Variants in COL24A1 observed in about 807,000 individuals in gnomAD.
COL24A1 encodes collagen alpha-1(XXIV) chain.
COL24A1 carries 224 observed loss-of-function variants against 253.9 expected under a neutral mutation model. The ratio of observed to expected loss-of-function variants is 0.88; its 90% CI spans 0.79 to 0.99. COL24A1 has a LOEUF of 0.99. Ranked by LOEUF, COL24A1 falls within the 50% of genes least tolerant of loss-of-function variation. The pLI, the probability that COL24A1 is intolerant of heterozygous loss-of-function variation, is 0.00. For synonymous variants in COL24A1, 685 were observed against 673.7 expected (o/e 1.02, Z -0.26); for missense variants, 2,131 against 2,068.5 (o/e 1.03, Z -0.59).
chr1:85,782,156 G>T (rs1401410242), intron 51 of COL24A1, among the ~76,000 whole-genome samples: 1 of 152,026 alleles, frequency 6.6e-6, no homozygotes, highest in African/African-American at 2.4e-5. Flanking sequence ...GTGCCATCTC[G>T]GCTCACTGTA....
intron 24 of COL24A1, among the ~76,000 whole-genome samples, chr1:85,939,092 T>C (rs1021950198): frequency 1.3e-5 from 2 of 152,056 alleles, no homozygotes; most frequent in African/African-American, 2.4e-5. Context: ...ACTCAATCCA[T>C]TGAGGGCCAT....
At chr1:85,997,345 T>C (rs1694927398) in intron 19 of COL24A1, among the ~76,000 whole-genome samples, 1 of 152,022 alleles carries the variant, frequency 6.6e-6, no homozygotes, top group Admixed American at 6.6e-5. Context: ...GTCTTCAATC[T>C]GCTAAAAATC....
At chr1:85,848,316 G>T (rs61783158) in intron 38 of COL24A1, among the ~76,000 whole-genome samples, 13,842 of 151,912 alleles carry the variant, frequency 0.091, 816 homozygotes, top group East Asian at 0.17. Flanking sequence ...CTTTTTTGTT[G>T]TTGTTTTTTT....
intron 28 of COL24A1, among the ~76,000 whole-genome samples, chr1:85,899,503 G>A (rs888167541): frequency 6.6e-6 from 1 of 152,152 alleles, no homozygotes; most frequent in Non-Finnish European, 1.5e-5. Flanking sequence ...TTTGACTCTA[G>A]ATGATCAAGC....
chr1:86,138,033 C>T (rs1650509246), intron 2 of COL24A1, among the ~76,000 whole-genome samples: 1 of 152,162 alleles, frequency 6.6e-6, no homozygotes, highest in Admixed American at 6.6e-5. Context: ...CCTAATTTTG[C>T]TCCAGCCAAA....
chr1:86,077,104 G>C (rs1396979327), intron 7 of COL24A1, among the ~76,000 whole-genome samples: 3 of 152,086 alleles, frequency 2.0e-5, no homozygotes, highest in Non-Finnish European at 4.4e-5. Context: ...CTGACAAAGG[G>C]CTAATATCCA....
rs536164681 is a variant in COL24A1, at chr1:85,917,389, T to C, written c.2563-5956A>G. On this transcript the variant is annotated intron_variant, in intron 24 of 59. Coordinates refer to ENST00000370571, the MANE Select transcript of COL24A1 (RefSeq NM_152890.7). ...CTCTGAGTCTGAACTTCTCTTCATT[T>C]ATGTGTTCATGTTTTGGACTTTTTC... is the stretch of plus-strand genomic sequence containing the variant. 4.6e-5 allele frequency among the ~76,000 whole-genome samples: 7 copies of C among 152,332 alleles called. No individual in the cohort carries two copies. The South Asian group carries it at 1.4e-3, about 32-fold the overall frequency.
intron 58 of COL24A1, 58 bp downstream of exon 58, chr1:85,737,338 A>G: frequency 1.0e-6 from 1 of 979,948 alleles, no homozygotes. Flanking sequence ...TTTTAAACAT[A>G]ATTTTTCACT....
chr1:86,012,151 T>A (rs1301002560), intron 19 of COL24A1, among the ~76,000 whole-genome samples: 1 of 151,994 alleles, frequency 6.6e-6, no homozygotes, highest in Non-Finnish European at 1.5e-5. Context: ...AAAATAAATT[T>A]AAAAAAAGTT....
chr1:86,116,197 G>A (rs1468579743), intron 3 of COL24A1, among the ~76,000 whole-genome samples: 2 of 152,026 alleles, frequency 1.3e-5, no homozygotes, highest in South Asian at 2.1e-4. Flanking sequence ...TCTGTGATAT[G>A]GCATTGTTCT....
intron 2 of COL24A1, among the ~76,000 whole-genome samples, chr1:86,143,477 TA>T (rs896767189): frequency 5.9e-5 from 9 of 152,142 alleles, no homozygotes; most frequent in African/African-American, 2.2e-4. Flanking sequence ...GGCTCAGTGA[TA>T]AAAAAATATA....
intron 1 of COL24A1, among the ~76,000 whole-genome samples, chr1:86,151,080 G>A (rs954258378): frequency 6.6e-6 from 1 of 151,100 alleles, no homozygotes; most frequent in African/African-American, 2.4e-5. Context: ...ATATATAAAG[G>A]GTTTGTATAT....
intron 20 of COL24A1, among the ~76,000 whole-genome samples, chr1:85,978,529 G>GT (rs1406623598): frequency 4.6e-5 from 7 of 151,984 alleles, no homozygotes; most frequent in Non-Finnish European, 1.0e-4. Context: ...GTGGAAAAAG[G>GT]TATTTCATGC....
chr1:85,969,604 CAAAAAAAAAAAAAAAAAAAAA>C (rs61128567), intron 22 of COL24A1, among the ~76,000 whole-genome samples: 1 of 27,472 alleles, frequency 3.6e-5, no homozygotes, highest in African/African-American at 1.5e-4. Context: ...GACTCTGTCT[CAAAAAAAAAAAAAAAAAAAAA>C]AAAAAAAAAA....
intron 22 of COL24A1, among the ~76,000 whole-genome samples, chr1:85,969,144 T>A (rs971961840): frequency 6.6e-6 from 1 of 152,166 alleles, no homozygotes; most frequent in Non-Finnish European, 1.5e-5. Flanking sequence ...TTAAATAAGA[T>A]CAATTTTATT....
chr1:86,125,608 C>T lies in COL24A1; in HGVS notation c.728G>A (p.Arg243His), dbSNP rs200728036. 2.9e-5 allele frequency: 47 copies of T among 1,613,018 alleles called. No individual in the cohort carries two copies. Among genetic ancestry groups the T allele is most frequent in the East Asian group, 6.7e-5 (3 of 44,856 alleles). Reference sequence around the variant, plus strand: ...TTCAGGTTGGTATTTGTCTGCTTGGCGACACTGCTGTTTCACATATCTGCA... The same window carrying T: ...TTCAGGTTGGTATTTGTCTGCTTGGTGACACTGCTGTTTCACATATCTGCA... ...DYCRYVKQQC[R>H]QADKYQPETS... Residue 243 changes from arginine to histidine, a missense_variant, in exon 3 of 60, where the codon CGC becomes CAC. Transcript: ENST00000370571.
At chr1:85,932,886 A>G (rs927766685) in intron 24 of COL24A1, among the ~76,000 whole-genome samples, 2 of 86,872 alleles carry the variant, frequency 2.3e-5, no homozygotes, top group African/African-American at 9.1e-5. Context: ...GAATTGAACA[A>G]TGAGATCACA....
intron 43 of COL24A1, among the ~76,000 whole-genome samples, chr1:85,828,837 T>C (rs1251747913): frequency 1.4e-5 from 2 of 147,090 alleles, no homozygotes; most frequent in Non-Finnish European, 3.0e-5. Flanking sequence ...GAGATGGGTT[T>C]CCTGAATACA....
chr1:85,757,723 A>G (rs1666413496), intron 55 of COL24A1, among the ~76,000 whole-genome samples: 1 of 152,090 alleles, frequency 6.6e-6, no homozygotes, highest in African/African-American at 2.4e-5. Context: ...CAATTTGTTG[A>G]ATTTATTGAC....
Sources: gnomAD v4.1 joint callset for allele counts (sites outside exome capture counted in the v4.1 genomes callset) on GRCh38, gnomAD v4.1.1 for gene constraint, MANE v1.5 for transcripts, NCBI Gene and HGNC (gene_info 2026-07-23, HGNC 2026-07-21) for gene names.